Variants in GRB7 observed in about 807,000 individuals in gnomAD.
The protein encoded by GRB7 is growth factor receptor bound protein 7.
Under a neutral mutation model 64.1 loss-of-function variants are expected in GRB7, and 47 were observed. The observed-to-expected ratio is 0.73, with a 90% CI of 0.58 to 0.94. The LOEUF is 0.94. Ranked by LOEUF, GRB7 falls within the 40% of genes least tolerant of loss-of-function variation. The probability of loss-of-function intolerance (pLI) is 0.00; values close to 1 mark genes in which losing one functional copy is unlikely to be tolerated. For missense variants in GRB7, 634 were observed against 718.4 expected (o/e 0.88, Z 1.34); for synonymous variants, 277 against 279.9 (o/e 0.99, Z 0.10).
intron 14 of GRB7, 142 bp downstream of exon 14, chr17:39,746,344 C>T (rs1200340700): frequency 2.8e-6 from 2 of 708,590 alleles, no homozygotes; most frequent in African/African-American, 1.8e-5. Context: ...AGGCTGAGTG[C>T]GGTGGCTCAC....
chr17:39,740,142 G>C, intron 1 of GRB7: 2 of 985,702 alleles, frequency 2.0e-6, no homozygotes, highest in Non-Finnish European at 2.4e-6. Flanking sequence ...AGCCTGGAAT[G>C]AAGTCACTGG....
In GRB7 at chr17:39,744,330, T is replaced by C. The variant is rs562160216; in HGVS notation, c.801+123T>C. 3.4e-6 allele frequency: 4 copies of C among 1,172,758 alleles called. No individual in the cohort carries two copies. The Admixed American group carries it at 8.2e-5, about 24-fold the overall frequency. 72.6% of individuals were successfully genotyped at this position (1,172,758 alleles called of 1,614,324 possible). On this transcript the variant is annotated intron_variant, in intron 7 of 14. Transcript: ENST00000309156. Reference sequence around the variant, plus strand: ...GGCCCCCCAGGCCAGCCACCTCCAGTTTACCATCTCTCCCTACATCCTTGC... The same window carrying C: ...GGCCCCCCAGGCCAGCCACCTCCAGCTTACCATCTCTCCCTACATCCTTGC...
chr17:39,743,971 C>T lies in GRB7; in HGVS notation c.664-99C>T, dbSNP rs1336115187. On this transcript the variant is annotated intron_variant, in intron 6 of 14. Transcript: ENST00000309156. ...TCGTGCCACCGCACTAGCATGAGAC[C>T]CTGTCTCAAAAAGAAAAAGAAAAAG... 15 of 1,464,524 alleles carry T rather than the reference C, an allele frequency of 1.0e-5. No homozygotes were observed. In the South Asian group the frequency reaches 1.8e-4, roughly 18 times the overall value. The allele number at this position is 1,464,524 out of a possible 1,614,324, so 90.7% of individuals were successfully genotyped here.
At chr17:39,744,248 T>C (rs774927136) in intron 7 of GRB7, 41 bp downstream of exon 7, 1 of 1,607,572 alleles carries the variant, frequency 6.2e-7, no homozygotes, top group South Asian at 1.1e-5. Context: ...CTCCAGTCCC[T>C]GGTCCTTTTA....
At position 39,746,216 on chromosome 17, in the gene GRB7, C is replaced by A; in HGVS notation, c.1452+14C>A. On this transcript the variant is annotated intron_variant, in intron 14 of 14. Transcript: ENST00000309156. ...CTCATCCTGCCGGTGAGCTTCCCTG[C>A]GTCCCCGGAGTCCTGCAATGAGACA... The A allele has an allele frequency of 4.4e-6, 7 of 1,604,560 alleles. No individual in the cohort carries two copies. The highest frequency in any genetic ancestry group is 6.0e-6 in the Non-Finnish European group (7 of 1,171,430).
At position 39,745,334 on chromosome 17, in the gene GRB7, C is replaced by A; in HGVS notation, c.1092+11C>A. 1 of 1,610,052 alleles carries A rather than the reference C, an allele frequency of 6.2e-7. No homozygotes were observed. The highest frequency in any genetic ancestry group is 1.1e-5 in the South Asian group (1 of 90,530). On this transcript the variant is annotated intron_variant, in intron 10 of 14. Coordinates refer to ENST00000309156, the MANE Select transcript of GRB7 (RefSeq NM_005310.5). Reference sequence around the variant, plus strand: ...GGCTCCCCACCCTTGGTGAGTGTGCCCAAGGGGATGGGAGGGTGGGTATGC... The same window carrying A: ...GGCTCCCCACCCTTGGTGAGTGTGCACAAGGGGATGGGAGGGTGGGTATGC...
intron 1 of GRB7, chr17:39,739,011 TG>T: frequency 1.0e-6 from 1 of 984,904 alleles, no homozygotes; most frequent in South Asian, 1.6e-5. Flanking sequence ...CGGTGGGGCC[TG>T]GGGAGAGTGG....
At chr17:39,743,350 C>T in intron 5 of GRB7, 43 bp from the exon 6 acceptor site, 2 of 1,614,164 alleles carry the variant, frequency 1.2e-6, no homozygotes, top group East Asian at 2.2e-5. Context: ...GATCCTCAAC[C>T]TGGATGCTGG....
intron 6 of GRB7, 45 bp from the exon 7 acceptor site, chr17:39,744,025 G>A (rs908480631): frequency 8.1e-6 from 13 of 1,604,738 alleles, no homozygotes; most frequent in African/African-American, 5.4e-5. Context: ...GAGGGGAAGG[G>A]AGGAGGTCAG....
chr17:39,740,054 C>T (rs1597901850), intron 1 of GRB7: 1 of 985,494 alleles, frequency 1.0e-6, no homozygotes, highest in Non-Finnish European at 1.2e-6. Flanking sequence ...CCCTTCCAAG[C>T]ACTGCCCTCC....
At chr17:39,740,004 C>G (rs947705976) in intron 1 of GRB7, 1 of 985,460 alleles carries the variant, frequency 1.0e-6, no homozygotes, top group Non-Finnish European at 1.2e-6. Flanking sequence ...TCTCTGATCT[C>G]TGAGGCCAGG....
intron 14 of GRB7, among the ~76,000 whole-genome samples, chr17:39,746,514 G>A (rs1038412556): frequency 6.6e-6 from 1 of 152,054 alleles, no homozygotes; most frequent in African/African-American, 2.4e-5. Flanking sequence ...TACTCAGGAG[G>A]CTGAGGTGGG....
At chr17:39,738,713 C>G in intron 1 of GRB7, 1 of 517,082 alleles carries the variant, frequency 1.9e-6, no homozygotes, top group Non-Finnish European at 3.4e-6. Flanking sequence ...CCCTCACTCT[C>G]TGGCTCGCCC....
chr17:39,738,884 C>T (rs2059972688), intron 1 of GRB7: 1 of 1,534,966 alleles, frequency 6.5e-7, no homozygotes, highest in South Asian at 1.2e-5. Flanking sequence ...CCCTTCTCAG[C>T]AACACCGCCT....
intron 1 of GRB7, among the ~76,000 whole-genome samples, chr17:39,739,634 G>A (rs1181833971): frequency 6.6e-6 from 1 of 152,226 alleles, no homozygotes; most frequent in African/African-American, 2.4e-5. Flanking sequence ...ACCGGGCCCC[G>A]CCACCTGCCC....
chr17:39,745,379 C>T (rs1333028510), intron 10 of GRB7, 43 bp from the exon 11 acceptor site: 2 of 1,608,018 alleles, frequency 1.2e-6, no homozygotes, highest in African/African-American at 1.3e-5. Flanking sequence ...CTTACGGGTA[C>T]CTGGGCCCTG....
At chr17:39,744,766 C>T (rs577225670) in intron 8 of GRB7, 103 bp downstream of exon 8, 17 of 1,289,068 alleles carry the variant, frequency 1.3e-5, no homozygotes, top group Admixed American at 5.9e-5. Context: ...GACACCTAGA[C>T]TCCTCTCCCT....
chr17:39,745,578 C>A (rs753764646), intron 11 of GRB7, 40 bp downstream of exon 11: 27 of 1,583,858 alleles, frequency 1.7e-5, no homozygotes, highest in African/African-American at 2.7e-5. Context: ...TGCTGGGGAC[C>A]CACTCTCTGG....
chr17:39,742,365 G>A lies in GRB7; in HGVS notation c.64G>A (p.Gly22Arg). The A allele has an allele frequency of 6.2e-7, 1 of 1,613,922 alleles. No homozygotes were observed. ...SSPEDLCPAP[G>R]TPPGTPRPPD... ...TCCGGAAGACCTTTGCCCAGCCCCTGGGACCCCTCCTGGGACTCCCCGGCC... is the reference window on the plus strand; with the variant it reads ...TCCGGAAGACCTTTGCCCAGCCCCTAGGACCCCTCCTGGGACTCCCCGGCC... The change falls in exon 2 of 15, where the codon GGG (glycine) becomes AGG (arginine). Residue 22 changes from glycine to arginine, a missense_variant. Coordinates refer to ENST00000309156, the MANE Select transcript of GRB7 (RefSeq NM_005310.5).
Sources: allele counts gnomAD v4.1 joint callset (sites outside exome capture counted in the v4.1 genomes callset), GRCh38; gene constraint gnomAD v4.1.1; transcripts MANE v1.5; gene names NCBI Gene and HGNC (gene_info 2026-07-23, HGNC 2026-07-21).